ZNF100: variants seen among roughly 807,000 people sequenced by gnomAD.
The protein encoded by ZNF100 is zinc finger protein 100 (Y1).
In ZNF100, 12 loss-of-function variants were observed where a neutral mutation model predicts 15.8. That is an observed-to-expected ratio of 0.76 (90% CI 0.49 to 1.23). ZNF100 has a LOEUF of 1.23. ZNF100 is among the 50% of genes most tolerant of loss of function. The pLI is 0.00. For synonymous variants in ZNF100, 226 were observed against 214.8 expected, an observed-to-expected ratio of 1.05 and a Z score of -0.45; for missense variants, 670 against 635.6, an observed-to-expected ratio of 1.05 and a Z score of -0.58.
At chr19:21,730,262 G>T (rs1209394082) in intron 4 of ZNF100, among the ~76,000 whole-genome samples, 1 of 151,912 alleles carries the variant, frequency 6.6e-6, no homozygotes, top group African/African-American at 2.4e-5. Flanking sequence ...ACTGAAAGTG[G>T]CAAGATGGAT....
Position 21,727,195 on chromosome 19 carries a change from A to G in ZNF100, c.1117T>C (p.Tyr373His). ...HKITHAGEKPYKCEECGKAFY... is the reference protein window; with the variant it reads ...HKITHAGEKPHKCEECGKAFY... The stretch of plus-strand genomic sequence containing the variant: ...GCTTTGCCACATTCTTCACATTTGT[A>G]AGGTTTCTCTCCAGCATGAGTTATC... Residue 373 changes from tyrosine (Y) to histidine (H), a missense_variant, in exon 5 of 5, where the codon TAC becomes CAC. By Grantham distance (83) the Tyr-to-His change is moderately conservative. Transcript: ENST00000358296. 2 of 1,613,818 alleles carry G rather than the reference A, an allele frequency of 1.2e-6. No individual in the cohort carries two copies. The highest frequency in any genetic ancestry group is 1.7e-6 in the Non-Finnish European group (2 of 1,179,926).
chr19:21,727,255 C>T lies in ZNF100; in HGVS notation c.1057G>A (p.Ala353Thr), dbSNP rs1398765687. ...KPYKCEECGK[A>T]FNQSSTLTTH... ...GTAAGGGTTGAGGACTGGTTAAAGG[C>T]TTTGCCACATTCTTCACATTTGTAG... is the stretch of plus-strand genomic sequence containing the variant. Residue 353 changes from alanine (A) to threonine (T), a missense_variant, in exon 5 of 5, where the codon GCC becomes ACC. By Grantham distance (58) the Ala-to-Thr change is moderately conservative (BLOSUM62 0). Transcript: ENST00000358296. The T allele has an allele frequency of 6.2e-7, 1 of 1,613,722 alleles. No individual in the cohort carries two copies. The highest frequency in any genetic ancestry group is 1.3e-5 in the African/African-American group (1 of 75,040).
intron 2 of ZNF100, among the ~76,000 whole-genome samples, chr19:21,745,615 T>TG (rs569588163): frequency 2.0e-5 from 3 of 152,066 alleles, no homozygotes; most frequent in African/African-American, 4.8e-5. Context: ...CTCCGCTTCC[T>TG]GGGTTCACGC....
intron 4 of ZNF100, among the ~76,000 whole-genome samples, chr19:21,731,520 G>C (rs1234610427): frequency 6.6e-6 from 1 of 151,998 alleles, no homozygotes; most frequent in African/African-American, 2.4e-5. Context: ...TGTTGGCCAG[G>C]ATGGTCTCGA....
At chr19:21,738,478 G>T (rs367603422) in intron 4 of ZNF100, among the ~76,000 whole-genome samples, 2 of 151,970 alleles carry the variant, frequency 1.3e-5, no homozygotes, top group African/African-American at 4.8e-5. Context: ...ATAGACCCAT[G>T]AAACAGAATA....
At chr19:21,751,470 C>T (rs2036305501) in intron 2 of ZNF100, 39 of 903,220 alleles carry the variant, frequency 4.3e-5, no homozygotes, top group South Asian at 3.9e-4. Context: ...GAATGTGCAA[C>T]AGTAACTCTG....
chr19:21,754,113 C>T (rs904738251), intron 2 of ZNF100, among the ~76,000 whole-genome samples: 14 of 152,054 alleles, frequency 9.2e-5, no homozygotes, highest in African/African-American at 3.4e-4. Flanking sequence ...CATTCCTGGG[C>T]CAGGAATACT....
At position 21,725,788 on chromosome 19, in the gene ZNF100, C is replaced by T. The variant is rs1188867198; in HGVS notation, c.*895G>A. The T allele has an allele frequency of 6.6e-6, 1 of 152,056 alleles. No individual in the cohort carries two copies. The highest frequency in any genetic ancestry group is 1.9e-4 in the East Asian group (1 of 5,202). The allele number at this position is 152,056 out of a possible 1,614,324, so 9.4% of individuals were successfully genotyped here. On this transcript the variant is annotated 3_prime_UTR_variant, in exon 5 of 5. Coordinates refer to ENST00000358296, the MANE Select transcript of ZNF100 (RefSeq NM_173531.4). ...ACCAATTTTAGTTTTAGATTATTTT[C>T]TATACTCAGCACTCTGATTTAGTAA...
At chr19:21,744,809 C>T in intron 3 of ZNF100, 132 bp downstream of exon 3, 1 of 1,396,434 alleles carries the variant, frequency 7.2e-7, no homozygotes. Flanking sequence ...TTTCCACACA[C>T]AGCCTCAAGA....
intron 2 of ZNF100, 141 bp downstream of exon 2, chr19:21,765,553 C>A: frequency 1.5e-6 from 1 of 661,020 alleles, no homozygotes. Flanking sequence ...TATTTTTCTG[C>A]CCCCCTTAGA....
intron 1 of ZNF100, 135 bp from the exon 2 acceptor site, chr19:21,765,921 A>C (rs1372973904): frequency 3.9e-6 from 3 of 766,008 alleles, no homozygotes; most frequent in East Asian, 2.7e-5. Flanking sequence ...GGCTGAGGAC[A>C]CATCACCCCA....
intron 4 of ZNF100, among the ~76,000 whole-genome samples, chr19:21,728,730 G>T (rs529114514): frequency 1.8e-3 from 279 of 151,236 alleles, no homozygotes; most frequent in Admixed American, 3.4e-3. Flanking sequence ...TTCAATCAAG[G>T]ATTACAATGT....
intron 3 of ZNF100, 35 bp downstream of exon 3, chr19:21,744,906 G>A (rs1255029918): frequency 1.1e-5 from 17 of 1,591,448 alleles, no homozygotes; most frequent in Admixed American, 3.8e-5. Flanking sequence ...AACCTTTACG[G>A]TATATTAGAA....
chr19:21,737,157 TAAAGA>T (rs1381723510), intron 4 of ZNF100, among the ~76,000 whole-genome samples: 4 of 151,678 alleles, frequency 2.6e-5, no homozygotes, highest in African/African-American at 7.3e-5. Flanking sequence ...GCTAGATTAA[TAAAGA>T]AAAGAGAGAA....
intron 4 of ZNF100, among the ~76,000 whole-genome samples, chr19:21,732,544 A>T (rs2035937684): frequency 6.6e-6 from 1 of 151,946 alleles, no homozygotes; most frequent in Admixed American, 6.6e-5. Context: ...GTCATACACA[A>T]TGGCAATATA....
chr19:21,750,934 CG>C (rs1470548965), intron 2 of ZNF100: 2 of 717,892 alleles, frequency 2.8e-6, no homozygotes, highest in South Asian at 3.7e-5. Context: ...ACTGCGCAAC[CG>C]ACATCTACGA....
chr19:21,765,760 A>G lies in ZNF100; in HGVS notation c.30T>C (p.Pro10=), dbSNP rs771034774. 2.0e-5 allele frequency: 32 copies of G among 1,614,212 alleles called. No homozygotes were observed. Among genetic ancestry groups the G allele is most frequent in the Non-Finnish European group, 2.7e-5 (32 of 1,180,030 alleles). ...CAGGGCATCCACTTGCTCCCTTGAGAGGACACATTCCATACCTCGGGTCAT... is the reference window on the plus strand; with the variant it reads ...CAGGGCATCCACTTGCTCCCTTGAGGGGACACATTCCATACCTCGGGTCAT... MDDPRYGMC[P]LKGASGCPGA... Residue 10 remains proline (P), a synonymous_variant, in exon 2 of 5, where the codon CCT becomes CCC. Coordinates refer to ENST00000358296, the MANE Select transcript of ZNF100 (RefSeq NM_173531.4).
At chr19:21,765,903 T>C in intron 1 of ZNF100, 117 bp from the exon 2 acceptor site, 1 of 1,012,290 alleles carries the variant, frequency 9.9e-7, no homozygotes, top group Non-Finnish European at 1.5e-6. Context: ...AGGAAAAAAC[T>C]AAAGGGTGGC....
chr19:21,758,841 T>A (rs1261074053), intron 2 of ZNF100, among the ~76,000 whole-genome samples: 3 of 152,158 alleles, frequency 2.0e-5, no homozygotes, highest in African/African-American at 7.2e-5. Flanking sequence ...CATCCTCTCT[T>A]ACCCTAGAAG....
Sources: allele counts gnomAD v4.1 joint callset (sites outside exome capture counted in the v4.1 genomes callset), GRCh38; gene constraint gnomAD v4.1.1; transcripts MANE v1.5; gene names NCBI Gene and HGNC (gene_info 2026-07-23, HGNC 2026-07-21).